The following LRMDA variants were observed in gnomAD, a reference collection of about 807,000 sequenced individuals.
The protein encoded by LRMDA is leucine-rich melanocyte differentiation-associated protein.
A neutral mutation model predicts 29.8 loss-of-function variants in LRMDA; 18 were observed. The observed-to-expected ratio is 0.60, with a 90% confidence interval of 0.42 to 0.90. LRMDA has a LOEUF of 0.90. LRMDA is among the 40% of genes least tolerant of loss of function. The pLI is 0.00. For missense variants in LRMDA, 273 were observed against 273.9 expected (o/e 1.00, Z 0.02); for synonymous variants, 125 against 109.4 (o/e 1.14, Z -0.89).
At chr10:76,465,145 A>C (rs893268526) in intron 6 of LRMDA, among the ~76,000 whole-genome samples, 2 of 152,154 alleles carry the variant, frequency 1.3e-5, no homozygotes, top group Non-Finnish European at 2.9e-5. Flanking sequence ...TCCTACTATC[A>C]CACCACTTAG....
At chr10:76,373,519 G>T (rs1471452176) in intron 6 of LRMDA, among the ~76,000 whole-genome samples, 1 of 152,094 alleles carries the variant, frequency 6.6e-6, no homozygotes, top group Non-Finnish European at 1.5e-5. Flanking sequence ...ACTATAAAGG[G>T]AAAGTCATAG....
intron 6 of LRMDA, among the ~76,000 whole-genome samples, chr10:76,384,202 T>C (rs1192171488): frequency 2.6e-5 from 4 of 152,182 alleles, no homozygotes; most frequent in African/African-American, 9.7e-5. Context: ...TTTATGTCAT[T>C]TTTCATATTA....
chr10:76,308,190 T>C (rs1267615027), intron 5 of LRMDA, among the ~76,000 whole-genome samples: 3 of 152,124 alleles, frequency 2.0e-5, no homozygotes, highest in African/African-American at 7.2e-5. Flanking sequence ...CAAAGACACC[T>C]TCATCTACTT....
At chr10:75,474,559 A>G (rs1345039308) in intron 2 of LRMDA, among the ~76,000 whole-genome samples, 1 of 152,186 alleles carries the variant, frequency 6.6e-6, no homozygotes, top group Admixed American at 6.5e-5. Context: ...CAACATGTGA[A>G]TTTCAGGGAA....
intron 5 of LRMDA, among the ~76,000 whole-genome samples, chr10:76,157,738 A>G (rs1589355798): frequency 6.6e-6 from 1 of 152,048 alleles, no homozygotes; most frequent in Non-Finnish European, 1.5e-5. Flanking sequence ...GTATGTGTGT[A>G]TAGGCATGTG....
chr10:75,866,938 AAGTTT>A (rs1845029766), intron 2 of LRMDA, among the ~76,000 whole-genome samples: 1 of 152,188 alleles, frequency 6.6e-6, no homozygotes, highest in Non-Finnish European at 1.5e-5. Flanking sequence ...CAGCTCTGAT[AAGTTT>A]AGTTAAGAGG....
intron 6 of LRMDA, among the ~76,000 whole-genome samples, chr10:76,512,964 A>C (rs897897326): frequency 6.6e-6 from 1 of 152,208 alleles, no homozygotes; most frequent in Non-Finnish European, 1.5e-5. Context: ...TTAAGGCAAC[A>C]GGTGCTAAGG....
chr10:75,815,404 C>T (rs1046999550), intron 2 of LRMDA, among the ~76,000 whole-genome samples: 1 of 152,160 alleles, frequency 6.6e-6, no homozygotes, highest in Non-Finnish European at 1.5e-5. Context: ...TTAGTACTCA[C>T]CAATATTTCC....
chr10:75,509,258 A>C (rs1439762203), intron 2 of LRMDA, among the ~76,000 whole-genome samples: 1 of 152,142 alleles, frequency 6.6e-6, no homozygotes, highest in African/African-American at 2.4e-5. Flanking sequence ...AGAGAGGTCG[A>C]ATGGGCTGTG....
intron 2 of LRMDA, among the ~76,000 whole-genome samples, chr10:75,805,488 C>T (rs1843835647): frequency 6.6e-6 from 1 of 152,136 alleles, no homozygotes; most frequent in Admixed American, 6.5e-5. Flanking sequence ...TTTCCAGGCA[C>T]CTGAGTTGGG....
chr10:76,507,207 T>C (rs1454940216), intron 6 of LRMDA, among the ~76,000 whole-genome samples: 1 of 21,196 alleles, frequency 4.7e-5, no homozygotes, highest in Non-Finnish European at 3.9e-4. Flanking sequence ...TGTTGAACAT[T>C]TTTTTTTTCA....
chr10:76,179,243 G>A lies in LRMDA; in HGVS notation c.516+120460G>A, dbSNP rs12354668. On this transcript the variant is annotated intron_variant, in intron 5 of 6. Coordinates refer to ENST00000611255, the MANE Select transcript of LRMDA (RefSeq NM_001305581.2). ...GAATAGGATGCAATCAAGGAGGGGG[G>A]GGTGGTGGAGGAGTAGAGGACATTT... Among the ~76,000 whole-genome samples, 10 of 152,042 alleles carry A rather than the reference G, an allele frequency of 6.6e-5. No individual in the cohort carries two copies. The East Asian group carries it at 9.7e-4, about 15-fold the overall frequency.
Position 76,300,756 on chromosome 10 carries a change from C to T in LRMDA, c.517-23645C>T, listed in dbSNP as rs372091136. Among the ~76,000 whole-genome samples, 33 of 152,328 alleles carry T rather than the reference C, an allele frequency of 2.2e-4. No individual in the cohort carries two copies. The South Asian group carries it at 6.6e-3, about 31-fold the overall frequency. On this transcript the variant is annotated intron_variant, in intron 5 of 6. Coordinates refer to ENST00000611255, the MANE Select transcript of LRMDA (RefSeq NM_001305581.2). ...ATTTGCAACAGTTTACTCCTCTCAA[C>T]ATGGTGCAAAGAGCACAGCACTTGC...
intron 2 of LRMDA, 150 bp from the exon 3 acceptor site, chr10:76,035,858 C>T: frequency 1.9e-6 from 1 of 520,678 alleles, no homozygotes; most frequent in Non-Finnish European, 3.1e-6. Context: ...CCGACTCCTG[C>T]TACTAATTCT....
intron 4 of LRMDA, among the ~76,000 whole-genome samples, chr10:76,057,206 A>G (rs1298103631): frequency 1.3e-5 from 2 of 152,120 alleles, no homozygotes; most frequent in South Asian, 2.1e-4. Context: ...GTGCTCCCAT[A>G]ACCACTCTAT....
At chr10:75,982,664 C>G (rs943068467) in intron 2 of LRMDA, among the ~76,000 whole-genome samples, 3 of 152,212 alleles carry the variant, frequency 2.0e-5, no homozygotes, top group African/African-American at 7.2e-5. Context: ...TAGGACTCAT[C>G]AAGGTGTGGC....
intron 5 of LRMDA, among the ~76,000 whole-genome samples, chr10:76,168,292 G>A (rs1023869928): frequency 1.3e-5 from 2 of 152,144 alleles, no homozygotes; most frequent in African/African-American, 4.8e-5. Flanking sequence ...GTCTGGTTAA[G>A]GAGTTCAGAC....
chr10:75,976,918 T>C (rs1193950475), intron 2 of LRMDA, among the ~76,000 whole-genome samples: 1 of 152,152 alleles, frequency 6.6e-6, no homozygotes, highest in African/African-American at 2.4e-5. Context: ...AGATGCTCAG[T>C]AGAGCTTTGT....
intron 2 of LRMDA, among the ~76,000 whole-genome samples, chr10:75,485,622 G>T (rs1349091042): frequency 6.6e-6 from 1 of 151,878 alleles, no homozygotes; most frequent in African/African-American, 2.4e-5. Context: ...TCACTCTGTT[G>T]CCCAGGCTGG....
Sources: gnomAD v4.1 joint callset for allele counts (sites outside exome capture counted in the v4.1 genomes callset) on GRCh38, gnomAD v4.1.1 for gene constraint, MANE v1.5 for transcripts, NCBI Gene and HGNC (gene_info 2026-07-23, HGNC 2026-07-21) for gene names.